Variants in GNAO1 observed in about 807,000 individuals in gnomAD.
GNAO1 encodes the protein G protein subunit alpha o1, also known as guanine nucleotide-binding protein G(o) subunit alpha.
For missense variants in GNAO1, 166 were observed against 478.7 expected (o/e 0.35, Z 6.10); for synonymous variants, 164 against 180.7 (o/e 0.91, Z 0.74).
At chr16:56,249,975 G>T (rs1423121012) in intron 2 of GNAO1, among the ~76,000 whole-genome samples, 1 of 152,142 alleles carries the variant, frequency 6.6e-6, no homozygotes, top group Admixed American at 6.5e-5. Context: ...GAGGAGATAG[G>T]GACACCAGGA....
chr16:56,230,244 G>C (rs1365663252), intron 2 of GNAO1, among the ~76,000 whole-genome samples: 2 of 152,194 alleles, frequency 1.3e-5, no homozygotes, highest in African/African-American at 4.8e-5. Flanking sequence ...CCACAGTGGA[G>C]GCTGCTGTGG....
At chr16:56,304,703 T>C (rs77052473) in intron 3 of GNAO1, among the ~76,000 whole-genome samples, 1 of 152,188 alleles carries the variant, frequency 6.6e-6, no homozygotes, top group Admixed American at 6.5e-5. Context: ...TATTAGTGGG[T>C]TTGAAATTTA....
At chr16:56,264,223 A>G in intron 2 of GNAO1, among the ~76,000 whole-genome samples, 1 of 152,192 alleles carries the variant, frequency 6.6e-6, no homozygotes, top group Non-Finnish European at 1.5e-5. Flanking sequence ...TATATCTCCA[A>G]AGTTCAAGTC....
At chr16:56,212,759 G>T (rs2036401852) in intron 2 of GNAO1, among the ~76,000 whole-genome samples, 1 of 152,134 alleles carries the variant, frequency 6.6e-6, no homozygotes, top group South Asian at 2.1e-4. Context: ...TGCTATGTGG[G>T]TGCTCAGAGT....
chr16:56,343,457 C>T (rs2037826089), intron 6 of GNAO1, among the ~76,000 whole-genome samples: 1 of 146,316 alleles, frequency 6.8e-6, no homozygotes, highest in South Asian at 2.2e-4. Context: ...CACCACACTC[C>T]AGCTTGAGCA....
At chr16:56,244,445 C>T (rs2036723409) in intron 2 of GNAO1, among the ~76,000 whole-genome samples, 1 of 151,772 alleles carries the variant, frequency 6.6e-6, no homozygotes, top group African/African-American at 2.4e-5. Context: ...GCTGAAATTA[C>T]GTCCCACCAG....
At position 56,192,726 on chromosome 16, in the gene GNAO1, G is replaced by GCACACA. The variant is rs60037687; in HGVS notation, c.161+130_161+135dup. 1.3e-3 allele frequency: 721 copies of GCACACA among 564,788 alleles called. 3 individuals carry two copies. The highest frequency in any genetic ancestry group is 3.6e-3 in the African/African-American group (186 of 52,162). 35.0% of individuals were successfully genotyped at this position (564,788 alleles called of 1,614,324 possible). ...TCTCCAGGCCTGTTTTTTAATTCGT[G>GCACACA]CACACACACACACACACACACACAC... On this transcript the variant is annotated intron_variant, in intron 2 of 8. Transcript: ENST00000262493.
chr16:56,355,805 CAG>C (rs1881243891), intron 8 of GNAO1: 1 of 152,340 alleles, frequency 6.6e-6, no homozygotes, highest in African/African-American at 2.4e-5. Context: ...AGTTCACCTG[CAG>C]AGTTGAAACC....
At chr16:56,303,325 G>A (rs555435896) in intron 3 of GNAO1, among the ~76,000 whole-genome samples, 1 of 152,340 alleles carries the variant, frequency 6.6e-6, no homozygotes, top group East Asian at 1.9e-4. Context: ...GTGGTGTGAT[G>A]CTGAGCTCAG....
At chr16:56,225,277 G>T (rs2036524242) in intron 2 of GNAO1, among the ~76,000 whole-genome samples, 1 of 152,194 alleles carries the variant, frequency 6.6e-6, no homozygotes, top group South Asian at 2.1e-4. Context: ...CATGATGTCA[G>T]GGTTACCAGG....
intron 3 of GNAO1, among the ~76,000 whole-genome samples, chr16:56,324,500 A>G (rs2037610639): frequency 1.3e-5 from 2 of 152,204 alleles, no homozygotes; most frequent in African/African-American, 4.8e-5. Flanking sequence ...GTACCCCAAG[A>G]TTGCCCGAGG....
chr16:56,244,108 G>A (rs1268195993), intron 2 of GNAO1, among the ~76,000 whole-genome samples: 1 of 152,228 alleles, frequency 6.6e-6, no homozygotes, highest in African/African-American at 2.4e-5. Flanking sequence ...CACTCGCCAT[G>A]CTATACTACA....
intron 3 of GNAO1, among the ~76,000 whole-genome samples, chr16:56,325,908 G>T (rs1175772555): frequency 2.0e-5 from 3 of 152,148 alleles, no homozygotes; most frequent in Non-Finnish European, 2.9e-5. Flanking sequence ...TGATACTAGC[G>T]ACTCTGGGGC....
intron 3 of GNAO1, among the ~76,000 whole-genome samples, chr16:56,321,277 T>G (rs1365134525): frequency 6.6e-6 from 1 of 152,188 alleles, no homozygotes; most frequent in African/African-American, 2.4e-5. Flanking sequence ...AGGGGATTGA[T>G]TGACTCAAGT....
chr16:56,328,593 C>T, intron 3 of GNAO1, 38 bp from the exon 4 acceptor site: 2 of 1,604,346 alleles, frequency 1.2e-6, no homozygotes, highest in Non-Finnish European at 1.7e-6. Flanking sequence ...TCTGTCCCCA[C>T]CAAAGCGTCA....
chr16:56,278,049 G>A (rs1486551026), intron 3 of GNAO1, among the ~76,000 whole-genome samples: 1 of 152,146 alleles, frequency 6.6e-6, no homozygotes, highest in Non-Finnish European at 1.5e-5. Flanking sequence ...GGAATCGCTA[G>A]GACTATGATA....
At chr16:56,301,787 A>G (rs2037346443) in intron 3 of GNAO1, 1 of 152,122 alleles carries the variant, frequency 6.6e-6, no homozygotes, top group Non-Finnish European at 1.5e-5. Context: ...AGTGGCCATC[A>G]TGTTGAATTG....
rs1190764 is a variant in GNAO1 at position 56,195,440 on chromosome 16, C to G, written c.161+2824C>G. On this transcript the variant is annotated intron_variant, in intron 2 of 8. Transcript: ENST00000262493. The stretch of plus-strand genomic sequence containing the variant: ...ATCCTAGTAACAAATTTTTTTGAGT[C>G]CTCCCTTGCAGAGATGGTTTTTGAG... 6.3e-3 allele frequency among the ~76,000 whole-genome samples: 962 copies of G among 152,250 alleles called. 11 individuals are homozygous for G. Among genetic ancestry groups the G allele is most frequent in the African/African-American group, 0.022 (895 of 41,552 alleles).
At chr16:56,243,218 T>C (rs2036711229) in intron 2 of GNAO1, among the ~76,000 whole-genome samples, 1 of 152,014 alleles carries the variant, frequency 6.6e-6, no homozygotes, top group Non-Finnish European at 1.5e-5. Flanking sequence ...GTAATAATAA[T>C]AGAAATAAAG....
Sources: gnomAD v4.1 joint callset for allele counts (sites outside exome capture counted in the v4.1 genomes callset) on GRCh38, gnomAD v4.1.1 for gene constraint, MANE v1.5 for transcripts, NCBI Gene and HGNC (gene_info 2026-07-23, HGNC 2026-07-21) for gene names.